VPS13C: variants seen among roughly 807,000 people sequenced by gnomAD.
VPS13C encodes the protein vacuolar protein sorting 13 homolog C, also known as intermembrane lipid transfer protein VPS13C.
A neutral mutation model predicts 456.8 loss-of-function variants in VPS13C; 358 were observed. The observed-to-expected ratio is 0.78, with a 90% CI of 0.72 to 0.86. The LOEUF (loss-of-function observed/expected upper bound fraction) is 0.86. VPS13C is among the 40% of genes least tolerant of loss of function. The probability of loss-of-function intolerance (pLI) is 0.00; values close to 1 mark genes in which losing one functional copy is unlikely to be tolerated. For missense variants in VPS13C, 4,818 were observed against 4,385.4 expected (o/e 1.10, Z -2.79); for synonymous variants, 1,578 against 1,486.7 (o/e 1.06, Z -1.41).
Position 61,887,381 on chromosome 15 carries a change from A to C in VPS13C, c.9341+2784T>G, listed in dbSNP as rs373636453. ...GAGGAAACTACCAAAGTCTTTCAAC[A>C]AATTATGTTGGAACACCTGGACATC... On this transcript the variant is annotated intron_variant, in intron 67 of 84. Transcript: ENST00000644861. Among the ~76,000 whole-genome samples the C allele has an allele frequency of 5.2e-5, 8 of 152,390 alleles. No individual in the cohort carries two copies. In the East Asian group the frequency reaches 1.2e-3, roughly 22 times the overall value.
Position 61,961,620 on chromosome 15 carries a change from C to A in VPS13C, c.3877G>T (p.Asp1293Tyr). The change falls in exon 35 of 85, where the codon GAT (aspartate) becomes TAT (tyrosine). Residue 1293 changes from aspartate to tyrosine, a missense_variant. By Grantham distance (160) the Asp-to-Tyr change is radical. This residue lies in a region of VPS13C where 4,552 missense variants were observed against 4,130.6 expected (regional missense o/e 1.10). Transcript: ENST00000644861. ...AGTGTAAGCTTTGTTAGCTGCACAT[C>A]CATTCTATCAATTACTGGAGGATTT... The part of the protein sequence containing the change: ...YLNPPVIDRM[D>Y]VQLTKLTLYR... The A allele has an allele frequency of 2.5e-6, 4 of 1,609,470 alleles. No individual in the cohort carries two copies. The highest frequency in any genetic ancestry group is 3.4e-6 in the Non-Finnish European group (4 of 1,177,484).
intron 66 of VPS13C, among the ~76,000 whole-genome samples, chr15:61,891,564 CTTGT>C (rs1443768398): frequency 6.6e-6 from 1 of 152,134 alleles, no homozygotes; most frequent in Non-Finnish European, 1.5e-5. Flanking sequence ...TTATCTGACT[CTTGT>C]TTTTCATCTA....
chr15:61,954,832 T>C (rs2044931166), intron 37 of VPS13C, among the ~76,000 whole-genome samples: 1 of 152,150 alleles, frequency 6.6e-6, no homozygotes, highest in Non-Finnish European at 1.5e-5. Context: ...CGTGACACTG[T>C]TATACAGAAG....
At chr15:62,026,033 G>A (rs2047624174) in intron 6 of VPS13C, among the ~76,000 whole-genome samples, 1 of 95,260 alleles carries the variant, frequency 1.0e-5, no homozygotes, top group South Asian at 3.3e-4. Flanking sequence ...GAAGACAGTT[G>A]GATTAGCATA....
At chr15:62,008,273 C>T (rs1350034253) in intron 14 of VPS13C, among the ~76,000 whole-genome samples, 1 of 151,602 alleles carries the variant, frequency 6.6e-6, no homozygotes, top group Non-Finnish European at 1.5e-5. Flanking sequence ...TGGTTGCACA[C>T]CCCGTACCCC....
chr15:61,927,146 A>G lies in VPS13C; in HGVS notation c.6461T>C (p.Leu2154Pro). The change falls in exon 52 of 85, where the codon CTG becomes CCG. Residue 2154 changes from leucine (L) to proline (P), a missense_variant. Leu to Pro is a moderately conservative substitution (Grantham distance 98). This residue lies in a region of VPS13C where 4,552 missense variants were observed against 4,130.6 expected (regional missense o/e 1.10). Coordinates refer to ENST00000644861, the MANE Select transcript of VPS13C (RefSeq NM_020821.3). ...EQMMEASVRD[L>P]KVLACPFLRE... ...GAGAAAAGGGCAAGCGAGCACTTTC[A>G]GATCTCTCACAGAAGCTTCCATCAT... The G allele has an allele frequency of 6.2e-7, 1 of 1,614,176 alleles. No homozygotes were observed.
At chr15:62,042,874 C>G (rs2048286134) in intron 2 of VPS13C, among the ~76,000 whole-genome samples, 1 of 151,222 alleles carries the variant, frequency 6.6e-6, no homozygotes, top group Admixed American at 6.6e-5. Context: ...AGGTAACAAA[C>G]CTGCACATTG....
chr15:61,964,015 T>G (rs186887153), intron 31 of VPS13C, 64 bp from the exon 32 acceptor site: 2 of 1,041,482 alleles, frequency 1.9e-6, no homozygotes, highest in African/African-American at 3.2e-5. Context: ...CTTTTAAGGT[T>G]TATTCGCTAT....
Position 61,917,621 on chromosome 15 carries a change from A to G in VPS13C, c.7775T>C (p.Ile2592Thr), listed in dbSNP as rs767534407. 1 of 1,610,958 alleles carries G rather than the reference A, an allele frequency of 6.2e-7. No individual in the cohort carries two copies. The highest frequency in any genetic ancestry group is 8.5e-7 in the Non-Finnish European group (1 of 1,177,332). The stretch of plus-strand genomic sequence containing the variant: ...ATGCTCTAAGATTCCAGCTGGCTGG[A>G]TAAACAATTGACATCTGCAGAAAGA... ...PLDSYRCQLFIQPAGILEHQY... is the reference protein window; with the variant it reads ...PLDSYRCQLFTQPAGILEHQY... Residue 2592 changes from isoleucine to threonine, a missense_variant, in exon 60 of 85, where the codon ATC becomes ACC. Ile to Thr is a moderately conservative substitution (Grantham distance 89, BLOSUM62 -1). This residue lies in a region of VPS13C where 4,552 missense variants were observed against 4,130.6 expected (regional missense o/e 1.10). Coordinates refer to ENST00000644861, the MANE Select transcript of VPS13C (RefSeq NM_020821.3).
At chr15:61,980,836 CT>C (rs556568045) in intron 22 of VPS13C, among the ~76,000 whole-genome samples, 16 of 152,010 alleles carry the variant, frequency 1.1e-4, no homozygotes, top group African/African-American at 2.9e-4. Flanking sequence ...TTATTTTTAT[CT>C]TTTAATTCCA....
intron 49 of VPS13C, among the ~76,000 whole-genome samples, chr15:61,932,253 C>G (rs1418385707): frequency 6.6e-6 from 1 of 151,900 alleles, no homozygotes; most frequent in African/African-American, 2.4e-5. Context: ...TGAGTGGGAT[C>G]AGATAGGCTA....
At chr15:61,865,701 T>G (rs1225567655) in intron 81 of VPS13C, 6 of 387,112 alleles carry the variant, frequency 1.5e-5, no homozygotes, top group African/African-American at 1.1e-4. Context: ...TATATATGTG[T>G]GTATATGTAT....
At chr15:62,009,838 A>G (rs1411751738) in intron 13 of VPS13C, among the ~76,000 whole-genome samples, 3 of 152,202 alleles carry the variant, frequency 2.0e-5, no homozygotes, top group African/African-American at 4.8e-5. Flanking sequence ...TAAAGAAACA[A>G]TATTTAATAA....
intron 65 of VPS13C, 129 bp from the exon 66 acceptor site, chr15:61,907,519 A>G (rs2043184739): frequency 2.5e-6 from 3 of 1,209,714 alleles, no homozygotes; most frequent in Non-Finnish European, 3.4e-6. Context: ...ACACAACTCT[A>G]CCTAAAAACA....
intron 8 of VPS13C, among the ~76,000 whole-genome samples, chr15:62,021,508 G>C (rs1377599630): frequency 6.6e-6 from 1 of 151,828 alleles, no homozygotes; most frequent in Non-Finnish European, 1.5e-5. Flanking sequence ...CTATACCACA[G>C]TGTGCACAGT....
chr15:61,858,731 T>C lies in VPS13C; in HGVS notation c.10953-2322A>G, dbSNP rs987922027. Among the ~76,000 whole-genome samples the C allele has an allele frequency of 2.6e-5, 4 of 152,158 alleles. No individual in the cohort carries two copies. The highest frequency in any genetic ancestry group is 4.4e-5 in the Non-Finnish European group (3 of 68,018). ...AAGTCAGAGATTCAAAGCACCCTTGTTGGGTTGGAATAAGGGTAGCTTCTA... is the reference window on the plus strand; with the variant it reads ...AAGTCAGAGATTCAAAGCACCCTTGCTGGGTTGGAATAAGGGTAGCTTCTA... On this transcript the variant is annotated intron_variant, in intron 82 of 84. Coordinates refer to ENST00000644861, the MANE Select transcript of VPS13C (RefSeq NM_020821.3). This position sits in a 1 kb window ranked among gnomAD's most constrained non-coding sequence, Gnocchi z 4.4.
Position 61,867,737 on chromosome 15 carries a change from C to T in VPS13C, c.10863+922G>A. On this transcript the variant is annotated intron_variant, in intron 81 of 84. Coordinates refer to ENST00000644861, the MANE Select transcript of VPS13C (RefSeq NM_020821.3). This position sits in a 1 kb window ranked among gnomAD's most constrained non-coding sequence, Gnocchi z 5.0. ...TTTATACTAATCTCTTATTTCTGGACAGTATTACCAGGAATACCACAAGTT... is the reference window on the plus strand; with the variant it reads ...TTTATACTAATCTCTTATTTCTGGATAGTATTACCAGGAATACCACAAGTT... 1 of 1,435,786 alleles carries T rather than the reference C, an allele frequency of 7.0e-7. No homozygotes were observed. Among genetic ancestry groups the T allele is most frequent in the African/African-American group, 1.5e-5 (1 of 68,414 alleles). 88.9% of individuals were successfully genotyped at this position (1,435,786 alleles called of 1,614,324 possible). A position where few individuals can be genotyped will look rare whatever the true frequency, so the allele number is the denominator to read the frequency against.
intron 5 of VPS13C, 32 bp from the exon 6 acceptor site, chr15:62,028,452 G>C (rs1266335823): frequency 1.9e-6 from 3 of 1,606,842 alleles, no homozygotes; most frequent in Non-Finnish European, 2.6e-6. Context: ...TAACCAAAAT[G>C]CAAAGCAATT....
In VPS13C at chr15:62,053,470, G is replaced by A. The variant is rs575654039; in HGVS notation, c.100+6805C>T. On this transcript the variant is annotated intron_variant, in intron 1 of 84. Coordinates refer to ENST00000644861, the MANE Select transcript of VPS13C (RefSeq NM_020821.3). ...CTGTGGCTCTTTACTCACCAATATC[G>A]GGTGAAGAGCAAAAAGGAAAGATAA... is the stretch of plus-strand genomic sequence containing the variant. Among the ~76,000 whole-genome samples, 7 of 152,182 alleles carry A rather than the reference G, an allele frequency of 4.6e-5. No homozygotes were observed. The South Asian group carries it at 8.3e-4, about 18-fold the overall frequency.
Sources: allele counts gnomAD v4.1 joint callset (sites outside exome capture counted in the v4.1 genomes callset), GRCh38; gene constraint gnomAD v4.1.1; regional missense constraint gnomAD v4.1.1; non-coding constraint Gnocchi (gnomAD v3.1); transcripts MANE v1.5; gene names NCBI Gene and HGNC (gene_info 2026-07-23, HGNC 2026-07-21).